Variants in ACSL1 observed in about 807,000 individuals in gnomAD.
The protein encoded by ACSL1 is acyl-CoA synthetase long chain family member 1.
Under a neutral mutation model 98.4 loss-of-function variants are expected in ACSL1, and 41 were observed. That is an observed-to-expected ratio of 0.42 (90% confidence interval 0.32 to 0.54). The LOEUF (loss-of-function observed/expected upper bound fraction) is 0.54. Among genes scored for constraint, ACSL1 ranks in the 20% least tolerant of loss-of-function variants. The pLI, the probability that ACSL1 is intolerant of heterozygous loss-of-function variation, is 0.13. For synonymous variants in ACSL1, 316 were observed against 322.7 expected (o/e 0.98, Z 0.22); for missense variants, 734 against 883.1 (o/e 0.83, Z 2.14).
At chr4:184,791,112 C>T (rs1305584078) in intron 2 of ACSL1, among the ~76,000 whole-genome samples, 3 of 152,236 alleles carry the variant, frequency 2.0e-5, no homozygotes, top group African/African-American at 4.8e-5. Flanking sequence ...CCTCACGATG[C>T]TCTGCTTACA....
intron 1 of ACSL1, chr4:184,814,034 T>G (rs996851326): frequency 2.9e-5 from 11 of 377,962 alleles, no homozygotes; most frequent in African/African-American, 2.3e-4. Flanking sequence ...CTCACGCCTG[T>G]AATCCCAGCA....
intron 2 of ACSL1, among the ~76,000 whole-genome samples, chr4:184,797,008 G>T (rs1769505833): frequency 2.6e-5 from 4 of 152,230 alleles, no homozygotes; most frequent in African/African-American, 7.2e-5. Flanking sequence ...GCTGGTGTCA[G>T]TGAGGGCGAG....
In ACSL1 at chr4:184,768,439, C is replaced by A. The variant is rs1019103359; in HGVS notation, c.1005G>T (p.Leu335=). The part of the protein sequence containing the change: ...MFERVVECVM[L]CHGAKIGFFQ... Reference sequence around the variant, plus strand: ...AAAATCCGATTTTAGCTCCATGACACAGCATTACACACTATAGGGGTAATG... The same window carrying A: ...AAAATCCGATTTTAGCTCCATGACAAAGCATTACACACTATAGGGGTAATG... The change falls in exon 12 of 21, where the codon CTG becomes CTT. Residue 335 remains leucine, a synonymous_variant. Transcript: ENST00000281455. The A allele has an allele frequency of 6.2e-7, 1 of 1,613,394 alleles. No individual in the cohort carries two copies. Among genetic ancestry groups the A allele is most frequent in the African/African-American group, 1.3e-5 (1 of 74,986 alleles).
intron 3 of ACSL1, among the ~76,000 whole-genome samples, chr4:184,784,666 G>T (rs1333704861): frequency 6.6e-6 from 1 of 152,204 alleles, no homozygotes; most frequent in East Asian, 1.9e-4. Flanking sequence ...TAGCATATTA[G>T]GTCTGAGTGT....
chr4:184,813,858 C>A (rs1197700783), intron 1 of ACSL1: 3 of 456,028 alleles, frequency 6.6e-6, no homozygotes, highest in Admixed American at 2.4e-5. Context: ...CCTCCGAGGG[C>A]CATGGATGGA....
chr4:184,761,753 G>A (rs575042100), intron 17 of ACSL1, among the ~76,000 whole-genome samples: 27 of 152,140 alleles, frequency 1.8e-4, no homozygotes, highest in Admixed American at 3.9e-4. Flanking sequence ...TCAACATCAC[G>A]GCTCAGTACG....
intron 3 of ACSL1, among the ~76,000 whole-genome samples, chr4:184,784,999 C>T (rs7683525): frequency 0.25 from 38,479 of 151,904 alleles, 5,041 homozygotes; most frequent in Middle Eastern, 0.32. Context: ...TGAAATGATG[C>T]GATTTTATTC....
At position 184,765,976 on chromosome 4, in the gene ACSL1, C is replaced by T. The variant is rs762208244; in HGVS notation, c.1274G>A (p.Gly425Asp). ...TGTCACCATCAGCCGGACTCTTCCG[C>T]CCAGGCTCGACTTTCAGGGAGGGAG... ...LIFHKVQSSL[G>D]GRVRLMVTGA... The change falls in exon 14 of 21, where the codon GGC becomes GAC. Residue 425 changes from glycine (G) to aspartate (D), a missense_variant. Coordinates refer to ENST00000281455, the MANE Select transcript of ACSL1 (RefSeq NM_001995.5). 1 of 1,613,732 alleles carries T rather than the reference C, an allele frequency of 6.2e-7. No individual in the cohort carries two copies. Among genetic ancestry groups the T allele is most frequent in the Non-Finnish European group, 8.5e-7 (1 of 1,179,840 alleles).
rs1417412613 is a variant in ACSL1, at chr4:184,784,009, A to G, written c.311-18T>C. Reference sequence around the variant, plus strand: ...GCCATTATCTAAAAAAAGAGAAAAAACAACAGATGGGCTGAACGTACATAA... The same window carrying G: ...GCCATTATCTAAAAAAAGAGAAAAAGCAACAGATGGGCTGAACGTACATAA... On this transcript the variant is annotated intron_variant, in intron 3 of 20. Coordinates refer to ENST00000281455, the MANE Select transcript of ACSL1 (RefSeq NM_001995.5). 1 of 1,601,692 alleles carries G rather than the reference A, an allele frequency of 6.2e-7. No homozygotes were observed. Among genetic ancestry groups the G allele is most frequent in the East Asian group, 2.2e-5 (1 of 44,824 alleles).
intron 10 of ACSL1, among the ~76,000 whole-genome samples, chr4:184,771,230 A>C (rs890161068): frequency 6.6e-6 from 1 of 152,188 alleles, no homozygotes; most frequent in African/African-American, 2.4e-5. Context: ...ATTTTGCTCA[A>C]ATTGGAAGGT....
intron 1 of ACSL1, among the ~76,000 whole-genome samples, chr4:184,808,911 T>G (rs879849279): frequency 6.6e-6 from 1 of 152,206 alleles, no homozygotes; most frequent in Admixed American, 6.5e-5. Context: ...GTCACTGCTC[T>G]GGGCCCATCT....
chr4:184,811,587 G>A (rs1772123347), intron 1 of ACSL1, among the ~76,000 whole-genome samples: 3 of 152,108 alleles, frequency 2.0e-5, no homozygotes, highest in South Asian at 4.1e-4. Context: ...ACTTCTAGGA[G>A]GTACCTAGAA....
chr4:184,773,618 A>AC lies in ACSL1; in HGVS notation c.841+44dup, dbSNP rs768654808. ...CCAAAAGAGGTAGGGGAGAGTCCAGACCAATGGCTGCCATATGTAGAAGCA... is the reference window on the plus strand; with the variant it reads ...CCAAAAGAGGTAGGGGAGAGTCCAGACCCAATGGCTGCCATATGTAGAAGCA... On this transcript the variant is annotated intron_variant, in intron 9 of 20. Transcript: ENST00000281455. This position sits in a 1 kb window ranked among gnomAD's most constrained non-coding sequence, Gnocchi z 4.3. The AC allele has an allele frequency of 9.5e-6, 15 of 1,573,010 alleles. No individual in the cohort carries two copies. Among genetic ancestry groups the AC allele is most frequent in the Non-Finnish European group, 1.2e-5 (14 of 1,155,758 alleles).
chr4:184,772,998 C>G (rs1025626695), intron 10 of ACSL1, 83 bp downstream of exon 10: 3 of 1,353,786 alleles, frequency 2.2e-6, no homozygotes, highest in Non-Finnish European at 3.1e-6. Flanking sequence ...GGACCTAACA[C>G]ACTGGTGCCC....
chr4:184,789,470 C>T (rs866266087), intron 2 of ACSL1, among the ~76,000 whole-genome samples: 3 of 152,228 alleles, frequency 2.0e-5, no homozygotes, highest in South Asian at 2.1e-4. Flanking sequence ...CCTCACCAAG[C>T]GCAATATCAT....
In ACSL1 at chr4:184,765,965, G is replaced by A. The variant is rs772286937; in HGVS notation, c.1285C>T (p.Arg429Trp). 8.1e-6 allele frequency: 13 copies of A among 1,613,770 alleles called. No homozygotes were observed. Among genetic ancestry groups the A allele is most frequent in the East Asian group, 2.2e-5 (1 of 44,868 alleles). The change falls in exon 14 of 21, where the codon CGG becomes TGG. Residue 429 changes from arginine to tryptophan, a missense_variant. Transcript: ENST00000281455. Reference sequence around the variant, plus strand: ...GGGGCGGCTCCTGTCACCATCAGCCGGACTCTTCCGCCCAGGCTCGACTTT... The same window carrying A: ...GGGGCGGCTCCTGTCACCATCAGCCAGACTCTTCCGCCCAGGCTCGACTTT... ...KVQSSLGGRV[R>W]LMVTGAAPVS...
chr4:184,822,792 A>G (rs989498090), intron 1 of ACSL1, among the ~76,000 whole-genome samples: 3 of 152,152 alleles, frequency 2.0e-5, no homozygotes, highest in African/African-American at 4.8e-5. Context: ...GAAAATGAAC[A>G]TAACTCAGAT....
intron 3 of ACSL1, 27 bp downstream of exon 3, chr4:184,788,590 G>C (rs1223181158): frequency 6.4e-7 from 1 of 1,556,582 alleles, no homozygotes; most frequent in Non-Finnish European, 8.9e-7. Flanking sequence ...GCGAGCGGGA[G>C]CCACGCAAAT....
chr4:184,796,639 C>T (rs1769422505), intron 2 of ACSL1, among the ~76,000 whole-genome samples: 1 of 152,142 alleles, frequency 6.6e-6, no homozygotes, highest in South Asian at 2.1e-4. Flanking sequence ...GAAGTTAATG[C>T]CTAAAAACAT....
Sources: gnomAD v4.1 joint callset for allele counts (sites outside exome capture counted in the v4.1 genomes callset) on GRCh38, gnomAD v4.1.1 for gene constraint, Gnocchi (gnomAD v3.1) non-coding constraint, MANE v1.5 for transcripts, NCBI Gene and HGNC (gene_info 2026-07-23, HGNC 2026-07-21) for gene names.